The following TLN1 variants were observed in gnomAD, a reference collection of about 807,000 sequenced individuals.
The protein encoded by TLN1 is talin 1.
TLN1 carries 56 observed loss-of-function variants against 292.3 expected under a neutral mutation model. The ratio of observed to expected loss-of-function variants is 0.19; its 90% CI spans 0.15 to 0.24. The LOEUF (loss-of-function observed/expected upper bound fraction) is 0.24, where lower values mean the gene tolerates loss of function less well. TLN1 is among the 10% of genes least tolerant of loss of function. TLN1 has a pLI of 1.00. For synonymous variants in TLN1, 1,119 were observed against 1,253.7 expected, an observed-to-expected ratio of 0.89 and a Z score of 2.27; for missense variants, 2,433 against 3,248.2, an observed-to-expected ratio of 0.75 and a Z score of 6.10.
rs111819603 is a variant in TLN1 at position 35,705,948 on chromosome 9, C to A, written c.5511+14G>T. ...GGGTAGCCTCAGTGTCCAAAGGCAC[C>A]CCAAGACTCTAACCTGGTTGATGGC... On this transcript the variant is annotated intron_variant, in intron 41 of 56. Coordinates refer to ENST00000314888, the MANE Select transcript of TLN1 (RefSeq NM_006289.4). 6.2e-7 allele frequency: 1 copy of A among 1,614,034 alleles called. No homozygotes were observed. The highest frequency in any genetic ancestry group is 8.5e-7 in the Non-Finnish European group (1 of 1,179,956).
In TLN1 at chr9:35,707,667, T is replaced by C; in HGVS notation, c.4632+64A>G. 3.1e-6 allele frequency: 5 copies of C among 1,606,786 alleles called. No individual in the cohort carries two copies. Among genetic ancestry groups the C allele is most frequent in the Non-Finnish European group, 4.3e-6 (5 of 1,174,796 alleles). ...TTGGTAGAAGGCTTCAGAGAATAAC[T>C]GGGGGACTCGGGGGAGAAGATAGGA... On this transcript the variant is annotated intron_variant, in intron 35 of 56. Coordinates refer to ENST00000314888, the MANE Select transcript of TLN1 (RefSeq NM_006289.4). The surrounding 1 kb of genome is among the most constrained non-coding windows in gnomAD (Gnocchi z 5.6).
intron 48 of TLN1, among the ~76,000 whole-genome samples, chr9:35,702,425 C>T (rs1410630747): frequency 6.6e-6 from 1 of 152,080 alleles, no homozygotes; most frequent in African/African-American, 2.4e-5. Context: ...AAAGGTGATT[C>T]AATGACGTTC....
chr9:35,717,927 G>T lies in TLN1; in HGVS notation c.1996-141C>A. On this transcript the variant is annotated intron_variant, in intron 17 of 56. Coordinates refer to ENST00000314888, the MANE Select transcript of TLN1 (RefSeq NM_006289.4). This position sits in a 1 kb window ranked among gnomAD's most constrained non-coding sequence, Gnocchi z 4.7. ...CAGAAGCAACCAGAACCTACCCCGAGCTACTGCCCTGAGCACCCAGCAGGA... is the reference window on the plus strand; with the variant it reads ...CAGAAGCAACCAGAACCTACCCCGATCTACTGCCCTGAGCACCCAGCAGGA... The T allele has an allele frequency of 1.0e-6, 1 of 986,576 alleles. No homozygotes were observed. The highest frequency in any genetic ancestry group is 1.7e-5 in the South Asian group (1 of 59,672). 61.1% of individuals were successfully genotyped at this position (986,576 alleles called of 1,614,324 possible).
Position 35,711,298 on chromosome 9 carries a change from G to A in TLN1, c.3976C>T (p.Pro1326Ser), listed in dbSNP as rs771380800. The change falls in exon 30 of 57, where the codon CCT becomes TCT. Residue 1326 changes from proline to serine, a missense_variant. By Grantham distance (74) the Pro-to-Ser change is moderately conservative. This residue lies in a region of TLN1 where 1,384 missense variants were observed against 1,699.6 expected (regional missense o/e 0.81). Coordinates refer to ENST00000314888, the MANE Select transcript of TLN1 (RefSeq NM_006289.4). ...LLAAKALSTD[P>S]AAPNLKSQLA... ...TGACTCTTGAGGTTAGGGGCAGCAGGGTCCGTGGACAGGGCCTTGGCAGCC... is the reference window on the plus strand; with the variant it reads ...TGACTCTTGAGGTTAGGGGCAGCAGAGTCCGTGGACAGGGCCTTGGCAGCC... The A allele has an allele frequency of 7.4e-6, 12 of 1,614,010 alleles. No individual in the cohort carries two copies. In the Admixed American group the frequency reaches 1.2e-4, roughly 16 times the overall value.
In TLN1 at chr9:35,704,361, A is replaced by G. The variant is rs543012508; in HGVS notation, c.6018T>C (p.Arg2006=). ...GGTCAGCGAAAGTTTCAGTACCCTC[A>G]CGATTGAGCGTGCCAGCAGTGGCGA... The part of the protein sequence containing the change: ...IMFATAGTLN[R]EGTETFADHR... Residue 2006 remains arginine (R), a synonymous_variant, in exon 45 of 57, where the codon CGT becomes CGC. Transcript: ENST00000314888. This position sits in a 1 kb window ranked among gnomAD's most constrained non-coding sequence, Gnocchi z 6.9. 1 of 1,613,830 alleles carries G rather than the reference A, an allele frequency of 6.2e-7. No individual in the cohort carries two copies. The highest frequency in any genetic ancestry group is 8.5e-7 in the Non-Finnish European group (1 of 1,179,922).
Position 35,720,829 on chromosome 9 carries a change from C to T in TLN1, c.1189G>A (p.Asp397Asn). The change falls in exon 11 of 57, where the codon GAT becomes AAT. Residue 397 changes from aspartate (D) to asparagine (N), a missense_variant. Asp to Asn is a conservative substitution (Grantham distance 23). Around this residue, in one of 7 missense-constraint regions of TLN1, gnomAD observed 57 missense variants for 136.5 expected, o/e 0.42. Transcript: ENST00000314888. ...QIAQLIAGYI[D>N]IILKKKKSKD... is the part of the protein sequence containing the mutation. ...GTGCTCACCTTCTTCAGGATGATAT[C>T]GATGTAGCCGGCAATGAGCTGTGCA... is the stretch of plus-strand genomic sequence containing the variant. The T allele has an allele frequency of 1.2e-6, 2 of 1,614,026 alleles. No individual in the cohort carries two copies. Among genetic ancestry groups the T allele is most frequent in the Non-Finnish European group, 1.7e-6 (2 of 1,179,978 alleles).
rs1213411801 is a variant in TLN1, at chr9:35,714,523, C to T, written c.2985+51G>A. On this transcript the variant is annotated intron_variant, in intron 23 of 56. Coordinates refer to ENST00000314888, the MANE Select transcript of TLN1 (RefSeq NM_006289.4). The surrounding 1 kb of genome is among the most constrained non-coding windows in gnomAD (Gnocchi z 4.6). ...AGATTCAAACTGTGGGAGATGGAAG[C>T]TTAGAAAGGTGGGAAGGTCAGGTCA... is the stretch of plus-strand genomic sequence containing the variant. 6.3e-7 allele frequency: 1 copy of T among 1,595,536 alleles called. No individual in the cohort carries two copies. The highest frequency in any genetic ancestry group is 1.1e-5 in the South Asian group (1 of 90,586).
chr9:35,725,081 G>A, intron 3 of TLN1, 122 bp from the exon 4 acceptor site: 1 of 1,555,890 alleles, frequency 6.4e-7, no homozygotes, highest in Non-Finnish European at 8.8e-7. Context: ...TCGTTCAAAA[G>A]CAGGGAATTA....
rs1276293031 is a variant in TLN1 at position 35,706,543 on chromosome 9, G to A, written c.5097C>T (p.His1699=). 1.2e-6 allele frequency: 2 copies of A among 1,614,012 alleles called. No individual in the cohort carries two copies. Among genetic ancestry groups the A allele is most frequent in the Non-Finnish European group, 8.5e-7 (1 of 1,179,980 alleles). ...PREGISQEAL[H]TQMLTAVQEI... ...CTTGGACTGCAGTGAGCATCTGAGT[G>A]TGCAAGGCCTGGGGAGGAAGTGGAC... The change falls in exon 39 of 57, where the codon CAC becomes CAT. Residue 1699 remains histidine, a synonymous_variant. Transcript: ENST00000314888. This position sits in a 1 kb window ranked among gnomAD's most constrained non-coding sequence, Gnocchi z 4.2.
Position 35,707,552 on chromosome 9 carries a change from T to G in TLN1, c.4633-64A>C, listed in dbSNP as rs1417288504. On this transcript the variant is annotated intron_variant, in intron 35 of 56. Coordinates refer to ENST00000314888, the MANE Select transcript of TLN1 (RefSeq NM_006289.4). This position sits in a 1 kb window ranked among gnomAD's most constrained non-coding sequence, Gnocchi z 5.6. Reference sequence around the variant, plus strand: ...GTCATAGGGGGTATAGGAAGTGAAGTCCAGGTCTCCTTCCTGGGACTTACA... The same window carrying G: ...GTCATAGGGGGTATAGGAAGTGAAGGCCAGGTCTCCTTCCTGGGACTTACA... 6.3e-7 allele frequency: 1 copy of G among 1,592,272 alleles called. No homozygotes were observed. The highest frequency in any genetic ancestry group is 8.6e-7 in the Non-Finnish European group (1 of 1,165,748).
Position 35,717,704 on chromosome 9 carries a change from G to A in TLN1, c.2078C>T (p.Thr693Ile), listed in dbSNP as rs1825810337. 2 of 1,614,060 alleles carry A rather than the reference G, an allele frequency of 1.2e-6. No individual in the cohort carries two copies. The highest frequency in any genetic ancestry group is 1.7e-6 in the Non-Finnish European group (2 of 1,179,988). The change falls in exon 18 of 57, where the codon ACA becomes ATA. Residue 693 changes from threonine (T) to isoleucine (I), a missense_variant. Transcript: ENST00000314888. The surrounding 1 kb of genome is among the most constrained non-coding windows in gnomAD (Gnocchi z 4.7). ...VLKAKSVAQR[T>I]EDSGLQTQVI... ...TTGGGTCTGAAGTCCCGAGTCCTCT[G>A]TCCGCTGGGCCACACTCTTGGCCTT...
chr9:35,708,291 C>T (rs770532327), intron 34 of TLN1, 50 bp downstream of exon 34: 15 of 1,531,642 alleles, frequency 9.8e-6, no homozygotes, highest in South Asian at 2.5e-5. Flanking sequence ...TCCACGGGGT[C>T]GGTCTGCCCT....
At chr9:35,711,876 C>A in intron 28 of TLN1, 84 bp from the exon 29 acceptor site, 1 of 1,599,458 alleles carries the variant, frequency 6.3e-7, no homozygotes, top group South Asian at 1.1e-5. Context: ...AAAAGGTGGG[C>A]ACATAGCCTG....
chr9:35,700,325 T>C lies in TLN1; in HGVS notation c.6526A>G (p.Ile2176Val). 1 of 1,611,570 alleles carries C rather than the reference T, an allele frequency of 6.2e-7. No individual in the cohort carries two copies. The highest frequency in any genetic ancestry group is 2.2e-5 in the East Asian group (1 of 44,820). Residue 2176 changes from isoleucine (I) to valine (V), a missense_variant, in exon 49 of 57, where the codon ATC becomes GTC. Coordinates refer to ENST00000314888, the MANE Select transcript of TLN1 (RefSeq NM_006289.4). ...ATGGTGATACCCTTGGTCATTCGGA[T>C]GAAGTCTTCTGGGGTAGAGGTCTTG... ...PAKTSTPEDF[I>V]RMTKGITMAT...
In TLN1 at chr9:35,712,016, G is replaced by T; in HGVS notation, c.3670C>A (p.Leu1224Met). 6.2e-7 allele frequency: 1 copy of T among 1,613,942 alleles called. No individual in the cohort carries two copies. The highest frequency in any genetic ancestry group is 1.1e-5 in the South Asian group (1 of 91,068). Residue 1224 changes from leucine (L) to methionine (M), a missense_variant, in exon 28 of 57, where the codon CTG becomes ATG. By Grantham distance (15) the Leu-to-Met change is conservative. Coordinates refer to ENST00000314888, the MANE Select transcript of TLN1 (RefSeq NM_006289.4). ...RAVGDASKRL[L>M]SDSLPPSTGT... ...TACCGTCCTCCTACCGAGTCACTCA[G>T]GAGTCGCTTGCTGGCATCTCCAACT...
intron 48 of TLN1, 58 bp downstream of exon 48, chr9:35,703,502 A>C: frequency 6.7e-7 from 1 of 1,481,600 alleles, no homozygotes. Flanking sequence ...ACAGGTTCAC[A>C]GGCTTTCAGG....
rs536669266 is a variant in TLN1, at chr9:35,725,319, T to C, written c.133A>G (p.Ser45Gly). Reference protein sequence around the residue: ...RIPEAPAGPPSDFGLFLSDDD... With the variant: ...RIPEAPAGPPGDFGLFLSDDD... ...TCTGACAGAAAGAGCCCAAAGTCGC[T>C]GGCTAAAAGAGAGGATGGATCACTT... is the stretch of plus-strand genomic sequence containing the variant. Residue 45 changes from serine (S) to glycine (G), a missense_variant and splice_region_variant, in exon 3 of 57, where the codon AGC becomes GGC. By Grantham distance (56) the Ser-to-Gly change is moderately conservative. Coordinates refer to ENST00000314888, the MANE Select transcript of TLN1 (RefSeq NM_006289.4). The C allele has an allele frequency of 6.2e-7, 1 of 1,614,150 alleles. No homozygotes were observed. Among genetic ancestry groups the C allele is most frequent in the East Asian group, 2.2e-5 (1 of 44,886 alleles).
intron 1 of TLN1, among the ~76,000 whole-genome samples, chr9:35,731,446 C>G (rs1826077740): frequency 1.3e-5 from 2 of 152,124 alleles, no homozygotes; most frequent in African/African-American, 4.8e-5. Flanking sequence ...AAATGTTGAC[C>G]CCTAAGCCTA....
At position 35,699,823 on chromosome 9, in the gene TLN1, G is replaced by C; in HGVS notation, c.6768+151C>G. The C allele has an allele frequency of 9.4e-7, 1 of 1,068,420 alleles. No homozygotes were observed. 66.2% of individuals were successfully genotyped at this position (1,068,420 alleles called of 1,614,324 possible). A position where few individuals can be genotyped will look rare whatever the true frequency, so the allele number is the denominator to read the frequency against. On this transcript the variant is annotated intron_variant, in intron 50 of 56. Transcript: ENST00000314888. This position sits in a 1 kb window ranked among gnomAD's most constrained non-coding sequence, Gnocchi z 4.0. Reference sequence around the variant, plus strand: ...TAAGAAGGATGGGGCCTGGGAGAAAGGGAGACTTGGAAAGGAGAACAGATT... The same window carrying C: ...TAAGAAGGATGGGGCCTGGGAGAAACGGAGACTTGGAAAGGAGAACAGATT...
Sources: allele counts gnomAD v4.1 joint callset (sites outside exome capture counted in the v4.1 genomes callset), GRCh38; gene constraint gnomAD v4.1.1; regional missense constraint gnomAD v4.1.1; non-coding constraint Gnocchi (gnomAD v3.1); transcripts MANE v1.5; gene names NCBI Gene and HGNC (gene_info 2026-07-23, HGNC 2026-07-21).